TBL1XR1: variants seen among roughly 807,000 people sequenced by gnomAD.
TBL1XR1 encodes F-box-like/WD repeat-containing protein TBL1XR1.
A neutral mutation model predicts 66.9 loss-of-function variants in TBL1XR1; 5 were observed. That is an observed-to-expected ratio of 0.07 (90% CI 0.04 to 0.16). TBL1XR1 has a LOEUF of 0.16. TBL1XR1 is among the 10% of genes least tolerant of loss of function. TBL1XR1 has a pLI of 1.00. For synonymous variants in TBL1XR1, 210 were observed against 206.0 expected (o/e 1.02, Z -0.17); for missense variants, 238 against 623.2 (o/e 0.38, Z 6.58).
chr3:177,032,567 A>C (rs551859667), intron 14 of TBL1XR1: 1 of 153,952 alleles, frequency 6.5e-6, no homozygotes, highest in East Asian at 1.9e-4. Flanking sequence ...AAGGTAATGT[A>C]GTTGTAAGTT....
intron 1 of TBL1XR1, among the ~76,000 whole-genome samples, chr3:177,142,435 G>A (rs1030376436): frequency 1.4e-4 from 21 of 152,108 alleles, no homozygotes; most frequent in Admixed American, 6.5e-4. Flanking sequence ...TCACGGAAAG[G>A]GACAGAAACT....
chr3:177,074,664 A>G (rs1720461940), intron 2 of TBL1XR1, among the ~76,000 whole-genome samples: 1 of 152,262 alleles, frequency 6.6e-6, no homozygotes, highest in South Asian at 2.1e-4. Flanking sequence ...CAAGTTTTCT[A>G]TGCTACCTCC....
intron 2 of TBL1XR1, among the ~76,000 whole-genome samples, chr3:177,072,598 CAG>C (rs1353809878): frequency 1.3e-5 from 2 of 152,010 alleles, no homozygotes; most frequent in Non-Finnish European, 2.9e-5. Flanking sequence ...TGCTAAGTAA[CAG>C]AGTTACTTCC....
chr3:177,034,412 G>C (rs1016995227), intron 12 of TBL1XR1, 87 bp from the exon 13 acceptor site: 1 of 1,000,410 alleles, frequency 1.0e-6, no homozygotes, highest in African/African-American at 1.7e-5. Flanking sequence ...AATATTATAT[G>C]GACAGTCTAA....
At chr3:177,053,071 C>T (rs1225293457) in intron 4 of TBL1XR1, among the ~76,000 whole-genome samples, 5 of 152,196 alleles carry the variant, frequency 3.3e-5, no homozygotes, top group Admixed American at 1.3e-4. Flanking sequence ...CACCACACTC[C>T]AGCCTGGGCA....
chr3:177,124,455 T>C (rs1344488899), intron 1 of TBL1XR1, among the ~76,000 whole-genome samples: 3 of 152,170 alleles, frequency 2.0e-5, no homozygotes, highest in Admixed American at 6.6e-5. Context: ...GACAGTTCTA[T>C]TAGTAATTAT....
At chr3:177,045,854 A>AT (rs1413986350) in intron 10 of TBL1XR1, among the ~76,000 whole-genome samples, 2 of 152,060 alleles carry the variant, frequency 1.3e-5, no homozygotes, top group Non-Finnish European at 2.9e-5. Context: ...TCAAACCTAG[A>AT]TTTTCTGATT....
At chr3:177,037,751 C>A in intron 12 of TBL1XR1, 1 of 180,962 alleles carries the variant, frequency 5.5e-6, no homozygotes, top group Non-Finnish European at 1.1e-5. Context: ...TCACGTGAGT[C>A]AATTTCTCAC....
At chr3:177,095,556 T>C (rs867650292) in intron 2 of TBL1XR1, among the ~76,000 whole-genome samples, 27 of 151,754 alleles carry the variant, frequency 1.8e-4, no homozygotes, top group African/African-American at 5.3e-4. Flanking sequence ...AGTGGCTTAC[T>C]GCAACCTCTG....
At chr3:177,038,603 C>A (rs1345055509) in intron 10 of TBL1XR1, among the ~76,000 whole-genome samples, 169 bp from the exon 11 acceptor site, 2 of 152,072 alleles carry the variant, frequency 1.3e-5, no homozygotes, top group Non-Finnish European at 2.9e-5. Flanking sequence ...TATCTATATA[C>A]AACAATATTA....
intron 1 of TBL1XR1, chr3:177,099,344 G>A (rs1169177191): frequency 6.6e-6 from 1 of 152,378 alleles, no homozygotes; most frequent in Non-Finnish European, 1.5e-5. Context: ...TCCAGCCTGG[G>A]GTACAACAGC....
chr3:177,086,716 C>T (rs974000857), intron 2 of TBL1XR1, among the ~76,000 whole-genome samples: 10 of 151,716 alleles, frequency 6.6e-5, no homozygotes, highest in Admixed American at 1.3e-4. Context: ...CTCTCTATCA[C>T]GGAACATATA....
At chr3:177,121,630 G>A (rs187603110) in intron 1 of TBL1XR1, among the ~76,000 whole-genome samples, 6 of 152,206 alleles carry the variant, frequency 3.9e-5, no homozygotes, top group East Asian at 3.9e-4. Context: ...GTCTTATCTG[G>A]TAATTAACAT....
chr3:177,162,327 C>T (rs1389249221), intron 1 of TBL1XR1, among the ~76,000 whole-genome samples: 1 of 152,156 alleles, frequency 6.6e-6, no homozygotes, highest in Non-Finnish European at 1.5e-5. Flanking sequence ...CAGTGGTTAC[C>T]TTTGGTGGGC....
chr3:177,184,412 T>G (rs551194571), intron 1 of TBL1XR1, among the ~76,000 whole-genome samples: 27 of 152,248 alleles, frequency 1.8e-4, no homozygotes, highest in Non-Finnish European at 3.7e-4. Context: ...AGCAATACCT[T>G]TGAAATAAGA....
At chr3:177,078,098 A>C (rs1720913793) in intron 2 of TBL1XR1, among the ~76,000 whole-genome samples, 1 of 152,138 alleles carries the variant, frequency 6.6e-6, no homozygotes, top group African/African-American at 2.4e-5. Flanking sequence ...TAATATGCAT[A>C]TTTTTTCAAC....
intron 3 of TBL1XR1, among the ~76,000 whole-genome samples, chr3:177,062,196 TCTCATA>T (rs2108530343): frequency 6.6e-6 from 1 of 152,344 alleles, no homozygotes; most frequent in African/African-American, 2.4e-5. Context: ...TAGGATATGC[TCTCATA>T]GCCCAAACCT....
chr3:177,149,328 T>C (rs1405858954), intron 1 of TBL1XR1, among the ~76,000 whole-genome samples: 1 of 152,188 alleles, frequency 6.6e-6, no homozygotes, highest in African/African-American at 2.4e-5. Context: ...TGGACTTAAA[T>C]CTATATCTCT....
chr3:177,184,211 T>C (rs940400463), intron 1 of TBL1XR1, among the ~76,000 whole-genome samples: 1 of 152,132 alleles, frequency 6.6e-6, no homozygotes, highest in Non-Finnish European at 1.5e-5. Context: ...CAACCAAAAA[T>C]AGCATTAAAA....
Sources: gnomAD v4.1 joint callset for allele counts (sites outside exome capture counted in the v4.1 genomes callset) on GRCh38, gnomAD v4.1.1 for gene constraint, MANE v1.5 for transcripts, NCBI Gene and HGNC (gene_info 2026-07-23, HGNC 2026-07-21) for gene names.